Variants in FYN observed in about 807,000 individuals in gnomAD.
FYN encodes the protein FYN proto-oncogene, Src family tyrosine kinase.
In FYN, 10 loss-of-function variants were observed where a neutral mutation model predicts 70.2. That is an observed-to-expected ratio of 0.14 (90% CI 0.09 to 0.24). The LOEUF (loss-of-function observed/expected upper bound fraction) is 0.24. Among genes scored for constraint, FYN ranks in the 10% least tolerant of loss-of-function variants. FYN has a pLI of 1.00. For missense variants in FYN, 319 were observed against 673.1 expected (o/e 0.47, Z 5.82); for synonymous variants, 236 against 248.6 (o/e 0.95, Z 0.48).
At chr6:111,823,827 A>T (rs1258268160) in intron 2 of FYN, among the ~76,000 whole-genome samples, 2 of 152,206 alleles carry the variant, frequency 1.3e-5, no homozygotes, top group Non-Finnish European at 2.9e-5. Flanking sequence ...ACATTCTCAC[A>T]GAATATATAT....
chr6:111,707,870 G>T, intron 6 of FYN, 52 bp downstream of exon 6: 10 of 1,376,804 alleles, frequency 7.3e-6, no homozygotes, highest in Non-Finnish European at 1.0e-6. Context: ...ATTTTATTGC[G>T]GCAATCAACT....
chr6:111,802,056 G>A (rs983771529), intron 2 of FYN, among the ~76,000 whole-genome samples: 2 of 152,192 alleles, frequency 1.3e-5, no homozygotes, highest in Admixed American at 1.3e-4. Flanking sequence ...ATACTGATAT[G>A]GTTTGGATCT....
chr6:111,772,749 C>A (rs1803498627), intron 3 of FYN, among the ~76,000 whole-genome samples: 1 of 144,432 alleles, frequency 6.9e-6, no homozygotes, highest in Non-Finnish European at 1.5e-5. Flanking sequence ...GCACAGCGAA[C>A]TTGAACTTTT....
intron 2 of FYN, among the ~76,000 whole-genome samples, chr6:111,839,974 A>G (rs527710570): frequency 2.4e-4 from 37 of 152,330 alleles, no homozygotes; most frequent in African/African-American, 8.2e-4. Flanking sequence ...TTCAGAGCCC[A>G]TAATTCCTCT....
At chr6:111,839,837 G>A (rs527511170) in intron 2 of FYN, among the ~76,000 whole-genome samples, 2 of 152,090 alleles carry the variant, frequency 1.3e-5, no homozygotes, top group Admixed American at 6.5e-5. Flanking sequence ...GGAACAAAGC[G>A]GAAGGTGTGG....
intron 2 of FYN, among the ~76,000 whole-genome samples, chr6:111,808,672 G>C (rs900829310): frequency 1.3e-5 from 2 of 152,164 alleles, no homozygotes; most frequent in African/African-American, 4.8e-5. Flanking sequence ...GGAGTATGAC[G>C]AAGACGCCAG....
At chr6:111,860,711 T>A (rs1046333779) in intron 1 of FYN, among the ~76,000 whole-genome samples, 1 of 152,246 alleles carries the variant, frequency 6.6e-6, no homozygotes, top group Non-Finnish European at 1.5e-5. Context: ...CTGGCACCCA[T>A]AGAGGCATCT....
rs1450983413 is a variant in FYN, at chr6:111,702,869, T to C, written c.697+16A>G. The C allele has an allele frequency of 6.2e-7, 1 of 1,612,134 alleles. No homozygotes were observed. Among genetic ancestry groups the C allele is most frequent in the East Asian group, 2.2e-5 (1 of 44,856 alleles). ...CAGCATCCAAATGGTTAGTAGGTAGTTAGAATTAAGGTTACCTGAGTAATG... is the reference window on the plus strand; with the variant it reads ...CAGCATCCAAATGGTTAGTAGGTAGCTAGAATTAAGGTTACCTGAGTAATG... On this transcript the variant is annotated intron_variant, in intron 8 of 13. Transcript: ENST00000354650.
intron 12 of FYN, among the ~76,000 whole-genome samples, chr6:111,689,565 C>G (rs1238273198): frequency 6.6e-6 from 1 of 152,126 alleles, no homozygotes; most frequent in Non-Finnish European, 1.5e-5. Context: ...AGAATGGAGG[C>G]TCTGTGATAT....
chr6:111,805,565 C>CT (rs1281621335), intron 2 of FYN, among the ~76,000 whole-genome samples: 1 of 152,148 alleles, frequency 6.6e-6, no homozygotes, highest in Admixed American at 6.5e-5. Context: ...CAGGTTCCTT[C>CT]TGCCCTCCTA....
intron 1 of FYN, among the ~76,000 whole-genome samples, chr6:111,851,671 C>T (rs1433350384): frequency 6.6e-6 from 1 of 152,158 alleles, no homozygotes; most frequent in Admixed American, 6.5e-5. Context: ...CCATCCCTAG[C>T]TCTGCTATTT....
chr6:111,743,850 A>G (rs1334964669), intron 3 of FYN, among the ~76,000 whole-genome samples: 1 of 152,150 alleles, frequency 6.6e-6, no homozygotes, highest in Non-Finnish European at 1.5e-5. Context: ...TCATTTGTTA[A>G]TGTCTGAAAA....
rs112320356 is a variant in FYN at position 111,816,079 on chromosome 6, A to G, written c.-82+30510T>C. On this transcript the variant is annotated intron_variant, in intron 2 of 13. Transcript: ENST00000354650. ...TATTTTTTAAAAATTTAAATGCTAC[A>G]TAGCTAGGTGATAAGCTAAATGGAG... Among the ~76,000 whole-genome samples the G allele has an allele frequency of 3.1e-3, 478 of 152,298 alleles. 1 individual carries two copies. Among genetic ancestry groups the G allele is most frequent in the African/African-American group, 0.011 (449 of 41,560 alleles).
rs1026959941 is a variant in FYN, at chr6:111,754,371, C to T, written c.-12+26195G>A. ...CACGGGGAAGGAGGTCTTCGCAAACCTTTTACTACCTTTCTTCAATGTATA... is the reference window on the plus strand; with the variant it reads ...CACGGGGAAGGAGGTCTTCGCAAACTTTTTACTACCTTTCTTCAATGTATA... On this transcript the variant is annotated intron_variant, in intron 3 of 13. Transcript: ENST00000354650. 5 of 152,284 alleles carry T rather than the reference C, an allele frequency of 3.3e-5. No individual in the cohort carries two copies. The East Asian group carries it at 7.7e-4, about 24-fold the overall frequency. 9.4% of individuals were successfully genotyped at this position (152,284 alleles called of 1,614,324 possible). A position where few individuals can be genotyped will look rare whatever the true frequency, so the allele number is the denominator to read the frequency against.
intron 8 of FYN, chr6:111,702,523 A>G (rs1459950492): frequency 5.7e-6 from 1 of 174,076 alleles, no homozygotes; most frequent in Non-Finnish European, 1.2e-5. Context: ...TATTCCTTGT[A>G]GGAGTCCCCA....
intron 3 of FYN, among the ~76,000 whole-genome samples, chr6:111,765,415 A>G (rs1803192324): frequency 6.6e-6 from 1 of 152,166 alleles, no homozygotes; most frequent in Non-Finnish European, 1.5e-5. Flanking sequence ...TGGGGACACC[A>G]GAGACAGTGG....
intron 12 of FYN, among the ~76,000 whole-genome samples, chr6:111,691,145 G>A (rs1332795074): frequency 6.6e-6 from 1 of 152,156 alleles, no homozygotes; most frequent in Non-Finnish European, 1.5e-5. Flanking sequence ...CACAGGCTCA[G>A]GGCCTGGCCT....
At chr6:111,688,628 G>A (rs527624326) in intron 12 of FYN, among the ~76,000 whole-genome samples, 2 of 151,718 alleles carry the variant, frequency 1.3e-5, no homozygotes, top group African/African-American at 2.4e-5. Flanking sequence ...CCCACGCAGC[G>A]TGTGTGTGCT....
In FYN at chr6:111,661,695, T is replaced by TG; in HGVS notation, c.*43dup. 6.4e-7 allele frequency: 1 copy of TG among 1,556,120 alleles called. No homozygotes were observed. Among genetic ancestry groups the TG allele is most frequent in the South Asian group, 1.2e-5 (1 of 85,616 alleles). The stretch of plus-strand genomic sequence containing the variant: ...GGAATTGAAAGCTAATGGGGAGGGG[T>TG]GGGGCAGCCTCTGGGACAAGGCCTC... On this transcript the variant is annotated 3_prime_UTR_variant, in exon 14 of 14. Coordinates refer to ENST00000354650, the MANE Select transcript of FYN (RefSeq NM_002037.5). The surrounding 1 kb of genome is among the most constrained non-coding windows in gnomAD (Gnocchi z 4.0).
Sources: allele counts gnomAD v4.1 joint callset (sites outside exome capture counted in the v4.1 genomes callset), GRCh38; gene constraint gnomAD v4.1.1; non-coding constraint Gnocchi (gnomAD v3.1); transcripts MANE v1.5; gene names NCBI Gene and HGNC (gene_info 2026-07-23, HGNC 2026-07-21).